Variants in BCAS3 observed in about 807,000 individuals in gnomAD.
BCAS3 encodes the protein BCAS3 microtubule associated cell migration factor.
Under a neutral mutation model 116.1 loss-of-function variants are expected in BCAS3, and 53 were observed. The observed-to-expected ratio is 0.46, with a 90% CI of 0.37 to 0.57. The LOEUF (loss-of-function observed/expected upper bound fraction) is 0.57. Among genes scored for constraint, BCAS3 ranks in the 20% least tolerant of loss-of-function variants. BCAS3 has a pLI of 0.00. For synonymous variants in BCAS3, 391 were observed against 408.2 expected (o/e 0.96, Z 0.51); for missense variants, 917 against 1,165.4 (o/e 0.79, Z 3.10).
chr17:61,388,688 A>G lies in BCAS3; in HGVS notation c.2594-3289A>G. On this transcript the variant is annotated intron_variant, in intron 23 of 23. Coordinates refer to ENST00000407086, the MANE Select transcript of BCAS3 (RefSeq NM_017679.5). The surrounding 1 kb of genome is among the most constrained non-coding windows in gnomAD (Gnocchi z 6.5). ...GTGAGCAACCCAACAGTAACAAAGC[A>G]TGCGTTCGGGATGGAGGAAGGTAAG... is the stretch of plus-strand genomic sequence containing the variant. The G allele has an allele frequency of 6.4e-7, 1 of 1,550,548 alleles. No individual in the cohort carries two copies. Among genetic ancestry groups the G allele is most frequent in the Non-Finnish European group, 8.7e-7 (1 of 1,155,866 alleles).
intron 19 of BCAS3, among the ~76,000 whole-genome samples, chr17:61,046,015 T>TAAAGTAAA (rs2068203201): frequency 1.8e-4 from 2 of 11,236 alleles, no homozygotes; most frequent in Non-Finnish European, 1.2e-4. Flanking sequence ...TATATATTTA[T>TAAAGTAAA]ATATATATTA....
chr17:61,176,527 A>G (rs746881181), intron 22 of BCAS3, among the ~76,000 whole-genome samples: 88 of 76,854 alleles, frequency 1.1e-3, no homozygotes, highest in African/African-American at 2.4e-3. Flanking sequence ...TGTAATGTCT[A>G]TTTATTTATT....
chr17:60,702,670 G>T (rs948463633), intron 4 of BCAS3, among the ~76,000 whole-genome samples: 2 of 152,068 alleles, frequency 1.3e-5, no homozygotes, highest in Non-Finnish European at 2.9e-5. Flanking sequence ...GCTCAGTGCA[G>T]CCTCCACCTC....
intron 11 of BCAS3, among the ~76,000 whole-genome samples, chr17:60,909,998 C>A (rs2058403884): frequency 6.6e-6 from 1 of 152,026 alleles, no homozygotes; most frequent in Non-Finnish European, 1.5e-5. Context: ...TTCCATATGC[C>A]AAATCTTGGT....
At chr17:61,373,600 A>C (rs1168841748) in intron 23 of BCAS3, among the ~76,000 whole-genome samples, 1 of 148,674 alleles carries the variant, frequency 6.7e-6, no homozygotes, top group Non-Finnish European at 1.5e-5. Flanking sequence ...GGCGTGTGCC[A>C]ACATGCCCAG....
chr17:60,824,636 T>C (rs2050226627), intron 7 of BCAS3, among the ~76,000 whole-genome samples: 1 of 152,228 alleles, frequency 6.6e-6, no homozygotes. Context: ...TTCTTCTGTT[T>C]TGCAAGTAAT....
intron 13 of BCAS3, among the ~76,000 whole-genome samples, chr17:60,942,556 ATTG>A (rs1314220859): frequency 6.6e-6 from 1 of 152,202 alleles, no homozygotes; most frequent in Non-Finnish European, 1.5e-5. Context: ...GGTTATATAT[ATTG>A]TTGTAGGTTT....
chr17:60,881,675 G>A (rs1455026088), intron 9 of BCAS3, among the ~76,000 whole-genome samples: 3 of 145,882 alleles, frequency 2.1e-5, no homozygotes, highest in African/African-American at 7.7e-5. Context: ...CCACCTATGA[G>A]TGAGAATATG....
In BCAS3 at chr17:61,083,405, T is replaced by C. The variant is rs1299847296; in HGVS notation, c.2328-1062T>C. Among the ~76,000 whole-genome samples, 1 of 152,188 alleles carries C rather than the reference T, an allele frequency of 6.6e-6. No homozygotes were observed. Among genetic ancestry groups the C allele is most frequent in the African/African-American group, 2.4e-5 (1 of 41,440 alleles). On this transcript the variant is annotated intron_variant, in intron 21 of 23. Coordinates refer to ENST00000407086, the MANE Select transcript of BCAS3 (RefSeq NM_017679.5). The surrounding 1 kb of genome is among the most constrained non-coding windows in gnomAD (Gnocchi z 4.9). ...GAGTAATGCCTACAAGCAATTAATATTCAGTAAATACTTACTGTATGAATG... is the reference window on the plus strand; with the variant it reads ...GAGTAATGCCTACAAGCAATTAATACTCAGTAAATACTTACTGTATGAATG...
chr17:61,046,057 TTATATATATATAATATATATATATTTA>T lies in BCAS3; in HGVS notation c.2029+5190_2029+5216del, dbSNP rs1568214531. Among the ~76,000 whole-genome samples, 52 of 19,094 alleles carry T rather than the reference TTATATATATATAATATATATATATTTA, an allele frequency of 2.7e-3. 3 individuals are homozygous for T. The highest frequency in any genetic ancestry group is 0.022 in the African/African-American group (36 of 1,634). 12.5% of individuals were successfully genotyped at this position (19,094 alleles called of 152,430 possible). A position where few individuals can be genotyped will look rare whatever the true frequency, so the allele number is the denominator to read the frequency against. ...TATTTATATATATATAATATATATA[TTATATATATATAATATATATATATTTA>T]TATATATATATAATATATATATATA... On this transcript the variant is annotated intron_variant, in intron 19 of 23. Coordinates refer to ENST00000407086, the MANE Select transcript of BCAS3 (RefSeq NM_017679.5).
At chr17:60,758,942 A>T (rs931349084) in intron 6 of BCAS3, among the ~76,000 whole-genome samples, 5 of 151,124 alleles carry the variant, frequency 3.3e-5, no homozygotes, top group African/African-American at 1.2e-4. Flanking sequence ...ATTCATTTTG[A>T]TGTTGATACT....
rs375741742 is a variant in BCAS3, at chr17:61,211,670, T to TAAAA, written c.2425+127119_2425+127122dup. 1.2e-5 allele frequency among the ~76,000 whole-genome samples: 1 copy of TAAAA among 86,662 alleles called. No individual in the cohort carries two copies. Among genetic ancestry groups the TAAAA allele is most frequent in the African/African-American group, 2.8e-5 (1 of 35,338 alleles). 56.9% of individuals were successfully genotyped at this position (86,662 alleles called of 152,430 possible). On this transcript the variant is annotated intron_variant, in intron 22 of 23. Transcript: ENST00000407086. This position sits in a 1 kb window ranked among gnomAD's most constrained non-coding sequence, Gnocchi z 4.4. ...TGTTTGCATCCAGGTCATTTCTCCA[T>TAAAA]AAAAAAAAAAAAAAAATGCCACTGA...
At chr17:61,209,186 A>G (rs1321788918) in intron 22 of BCAS3, among the ~76,000 whole-genome samples, 2 of 151,960 alleles carry the variant, frequency 1.3e-5, no homozygotes, top group African/African-American at 2.4e-5. Flanking sequence ...GCTAGTGAAA[A>G]AAAAAAAAAA....
chr17:60,842,487 A>T (rs1026338610), intron 7 of BCAS3, among the ~76,000 whole-genome samples: 1 of 151,868 alleles, frequency 6.6e-6, no homozygotes, highest in Non-Finnish European at 1.5e-5. Context: ...AAAAGAAAGT[A>T]TACTAGAACA....
chr17:60,782,225 G>A (rs2045897799), intron 6 of BCAS3, among the ~76,000 whole-genome samples: 3 of 152,126 alleles, frequency 2.0e-5, no homozygotes. Flanking sequence ...CCTAATAATG[G>A]TTGCTTAATA....
intron 14 of BCAS3, among the ~76,000 whole-genome samples, chr17:60,963,776 C>G (rs527734158): frequency 1.3e-5 from 2 of 152,062 alleles, no homozygotes; most frequent in Non-Finnish European, 2.9e-5. Flanking sequence ...AGGATGGTCT[C>G]GATCTCCTGA....
intron 22 of BCAS3, among the ~76,000 whole-genome samples, chr17:61,110,001 A>G (rs2074948508): frequency 6.6e-6 from 1 of 152,194 alleles, no homozygotes; most frequent in East Asian, 1.9e-4. Context: ...GTTCTTGGTC[A>G]TGAAGTATTT....
At position 61,337,940 on chromosome 17, in the gene BCAS3, C is replaced by T. The variant is rs1320085979; in HGVS notation, c.2426-30387C>T. On this transcript the variant is annotated intron_variant, in intron 22 of 23. Coordinates refer to ENST00000407086, the MANE Select transcript of BCAS3 (RefSeq NM_017679.5). The surrounding 1 kb of genome is among the most constrained non-coding windows in gnomAD (Gnocchi z 4.8). ...AGGTAAAGCGCTTCATCCAGTACCC[C>T]ACAGCTCTAGGGTATTGTTAGTCTG... is the stretch of plus-strand genomic sequence containing the variant. Among the ~76,000 whole-genome samples the T allele has an allele frequency of 6.6e-6, 1 of 152,192 alleles. No individual in the cohort carries two copies. The highest frequency in any genetic ancestry group is 2.4e-5 in the African/African-American group (1 of 41,446).
At chr17:60,715,373 G>T (rs1327791843) in intron 5 of BCAS3, among the ~76,000 whole-genome samples, 1 of 151,960 alleles carries the variant, frequency 6.6e-6, no homozygotes, top group Admixed American at 6.6e-5. Flanking sequence ...CTGACTTCAA[G>T]TGATCTGCCT....
Sources: gnomAD v4.1 joint callset for allele counts (sites outside exome capture counted in the v4.1 genomes callset) on GRCh38, gnomAD v4.1.1 for gene constraint, Gnocchi (gnomAD v3.1) non-coding constraint, MANE v1.5 for transcripts, NCBI Gene and HGNC (gene_info 2026-07-23, HGNC 2026-07-21) for gene names.